Variants in CLRN2 observed in about 807,000 individuals in gnomAD.
CLRN2 encodes clarin-2.
Under a neutral mutation model 20.1 loss-of-function variants are expected in CLRN2, and 17 were observed. The observed-to-expected ratio is 0.85, with a 90% confidence interval of 0.58 to 1.27. The LOEUF (loss-of-function observed/expected upper bound fraction) is 1.27, where lower values mean the gene tolerates loss of function less well. CLRN2 is among the 50% of genes most tolerant of loss of function. The probability of loss-of-function intolerance (pLI) is 0.00; values close to 1 mark genes in which losing one functional copy is unlikely to be tolerated. For synonymous variants in CLRN2, 140 were observed against 126.9 expected (o/e 1.10, Z -0.70); for missense variants, 288 against 299.5 (o/e 0.96, Z 0.28).
intron 1 of CLRN2, among the ~76,000 whole-genome samples, chr4:17,517,582 A>G (rs1711712226): frequency 6.6e-6 from 1 of 152,130 alleles, no homozygotes; most frequent in Non-Finnish European, 1.5e-5. Flanking sequence ...CCTTGGAGGA[A>G]CTCAGTAAGT....
At chr4:17,524,204 A>ATGTGTG (rs10527873) in intron 2 of CLRN2, among the ~76,000 whole-genome samples, 2,150 of 148,626 alleles carry the variant, frequency 0.014, 24 homozygotes, top group East Asian at 0.046. Flanking sequence ...AAACTACAAG[A>ATGTGTG]TGTGTGTGTG....
chr4:17,524,221 T>C (rs1178077981), intron 2 of CLRN2, among the ~76,000 whole-genome samples: 1 of 151,476 alleles, frequency 6.6e-6, no homozygotes, highest in Non-Finnish European at 1.5e-5. Context: ...TGTGTGTGTG[T>C]GTGTGTGTGT....
At chr4:17,523,422 C>T (rs1363176524) in intron 2 of CLRN2, among the ~76,000 whole-genome samples, 1 of 151,880 alleles carries the variant, frequency 6.6e-6, no homozygotes, top group Non-Finnish European at 1.5e-5. Flanking sequence ...ACCATGTTGC[C>T]CAGGCTAGTC....
At chr4:17,517,685 C>G (rs1711714459) in intron 1 of CLRN2, among the ~76,000 whole-genome samples, 1 of 152,168 alleles carries the variant, frequency 6.6e-6, no homozygotes, top group African/African-American at 2.4e-5. Flanking sequence ...TGGAAAGCAT[C>G]AGAACCCTGT....
At chr4:17,518,534 G>A (rs796669852) in intron 1 of CLRN2, among the ~76,000 whole-genome samples, 1 of 152,230 alleles carries the variant, frequency 6.6e-6, no homozygotes, top group African/African-American at 2.4e-5. Flanking sequence ...GCCAAGGCAG[G>A]TGGATCACCT....
intron 1 of CLRN2, among the ~76,000 whole-genome samples, chr4:17,516,459 C>T (rs1454233925): frequency 6.6e-6 from 1 of 152,148 alleles, no homozygotes; most frequent in East Asian, 1.9e-4. Flanking sequence ...TGTATTCATT[C>T]CTTGATTTCT....
At chr4:17,519,258 T>C (rs547476531) in intron 1 of CLRN2, among the ~76,000 whole-genome samples, 12 of 152,356 alleles carry the variant, frequency 7.9e-5, no homozygotes, top group Admixed American at 6.5e-4. Context: ...GCTGATAGAA[T>C]GATTAATCAA....
At chr4:17,518,149 T>C (rs1711728196) in intron 1 of CLRN2, among the ~76,000 whole-genome samples, 1 of 149,084 alleles carries the variant, frequency 6.7e-6, no homozygotes, top group African/African-American at 2.5e-5. Flanking sequence ...GATGGGGAGG[T>C]TTATTGGGTC....
chr4:17,522,969 T>G lies in CLRN2; in HGVS notation c.359T>G (p.Ile120Ser). 2 of 1,614,014 alleles carry G rather than the reference T, an allele frequency of 1.2e-6. No individual in the cohort carries two copies. The highest frequency in any genetic ancestry group is 1.7e-5 in the Admixed American group (1 of 60,028). Reference sequence around the variant, plus strand: ...GCTCTGGTCAGCATGGGCTTTGCCATTCTTAACATGATCCAGGTCCCGTAC... The same window carrying G: ...GCTCTGGTCAGCATGGGCTTTGCCAGTCTTAACATGATCCAGGTCCCGTAC... ...ALALVSMGFAILNMIQVPYRA... is the reference protein window; with the variant it reads ...ALALVSMGFASLNMIQVPYRA... The change falls in exon 2 of 3, where the codon ATT (isoleucine) becomes AGT (serine). Residue 120 changes from isoleucine (I) to serine (S), a missense_variant. Coordinates refer to ENST00000511148, the MANE Select transcript of CLRN2 (RefSeq NM_001079827.2).
chr4:17,521,998 G>C (rs1295442538), intron 1 of CLRN2, among the ~76,000 whole-genome samples: 1 of 152,076 alleles, frequency 6.6e-6, no homozygotes, highest in Non-Finnish European at 1.5e-5. Flanking sequence ...GCTCTTTCAG[G>C]GTCACATTTG....
chr4:17,523,608 A>G (rs531169178), intron 2 of CLRN2, among the ~76,000 whole-genome samples: 1 of 151,932 alleles, frequency 6.6e-6, no homozygotes, highest in South Asian at 2.1e-4. Context: ...CAGAAGACAG[A>G]GAGCTGGAAG....
Position 17,527,055 on chromosome 4 carries a change from G to A in CLRN2, c.672G>A (p.Thr224=), listed in dbSNP as rs151100539. ...PEIKTKIEEA[T]VTAEDILY ...TTAAGACCAAAATCGAAGAGGCCAC[G>A]GTCACAGCTGAGGATATCTTGTATT... Residue 224 remains threonine, a synonymous_variant, in exon 3 of 3, where the codon ACG becomes ACA. Coordinates refer to ENST00000511148, the MANE Select transcript of CLRN2 (RefSeq NM_001079827.2). The A allele has an allele frequency of 7.4e-6, 12 of 1,613,854 alleles. No homozygotes were observed. In the African/African-American group the frequency reaches 1.1e-4, roughly 14 times the overall value.
intron 2 of CLRN2, among the ~76,000 whole-genome samples, 171 bp downstream of exon 2, chr4:17,523,214 T>G (rs1445897801): frequency 5.3e-4 from 31 of 57,998 alleles, no homozygotes; most frequent in African/African-American, 1.9e-3. Flanking sequence ...TTTCTTTTTC[T>G]TTTTTTTTTT....
chr4:17,526,887 C>G lies in CLRN2; in HGVS notation c.504C>G (p.Ile168Met). ...AVKFHDLTER[I>M]ANFQEKLFQF... is the part of the protein sequence containing the mutation. Reference sequence around the variant, plus strand: ...AATTTCACGACCTGACGGAACGAATCGCCAACTTTCAGGAGAAGCTCTTCC... The same window carrying G: ...AATTTCACGACCTGACGGAACGAATGGCCAACTTTCAGGAGAAGCTCTTCC... The change falls in exon 3 of 3, where the codon ATC becomes ATG. Residue 168 changes from isoleucine to methionine, a missense_variant. By Grantham distance (10) the Ile-to-Met change is conservative. Transcript: ENST00000511148. 1 of 1,613,988 alleles carries G rather than the reference C, an allele frequency of 6.2e-7. No homozygotes were observed.
intron 1 of CLRN2, 136 bp downstream of exon 1, chr4:17,515,655 G>C (rs554980410): frequency 1.5e-5 from 14 of 938,154 alleles, no homozygotes; most frequent in South Asian, 5.3e-5. Context: ...GTGAGCCAAG[G>C]GTTCTGGATC....
chr4:17,517,535 A>C (rs1711709408), intron 1 of CLRN2, among the ~76,000 whole-genome samples: 1 of 152,190 alleles, frequency 6.6e-6, no homozygotes, highest in Non-Finnish European at 1.5e-5. Context: ...AACTGCTTCG[A>C]GTAGGAAGCT....
At chr4:17,522,697 G>T (rs182298802) in intron 1 of CLRN2, among the ~76,000 whole-genome samples, 167 bp from the exon 2 acceptor site, 2 of 152,288 alleles carry the variant, frequency 1.3e-5, no homozygotes, top group East Asian at 3.9e-4. Context: ...GCATGAATCT[G>T]GGGGCCATGA....
intron 2 of CLRN2, among the ~76,000 whole-genome samples, chr4:17,526,145 A>G (rs572196368): frequency 6.6e-6 from 1 of 152,218 alleles, no homozygotes; most frequent in Non-Finnish European, 1.5e-5. Context: ...GGAGAGCAAC[A>G]GTTTTTCTTA....
At chr4:17,523,110 G>A (rs916338873) in intron 2 of CLRN2, 67 bp downstream of exon 2, 1 of 1,400,298 alleles carries the variant, frequency 7.1e-7, no homozygotes, top group Non-Finnish European at 9.7e-7. Context: ...CAAGTAGTTG[G>A]GCAGAAGGTG....
Sources: gnomAD v4.1 joint callset for allele counts (sites outside exome capture counted in the v4.1 genomes callset) on GRCh38, gnomAD v4.1.1 for gene constraint, MANE v1.5 for transcripts, NCBI Gene and HGNC (gene_info 2026-07-23, HGNC 2026-07-21) for gene names.